The following COL13A1 variants were observed in gnomAD, a reference collection of about 807,000 sequenced individuals.
COL13A1 encodes the protein collagen type XIII alpha 1 chain, also known as collagen alpha-1(XIII) chain.
COL13A1 carries 89 observed loss-of-function variants against 130.9 expected under a neutral mutation model. The observed-to-expected ratio is 0.68, with a 90% CI of 0.57 to 0.81. COL13A1 has a LOEUF of 0.81. Ranked by LOEUF, COL13A1 falls within the 30% of genes least tolerant of loss-of-function variation. The probability of loss-of-function intolerance (pLI) is 0.00; values close to 1 mark genes in which losing one functional copy is unlikely to be tolerated. For synonymous variants in COL13A1, 402 were observed against 341.6 expected (o/e 1.18, Z -1.95); for missense variants, 879 against 934.6 (o/e 0.94, Z 0.78).
intron 3 of COL13A1, among the ~76,000 whole-genome samples, chr10:69,870,175 G>GTATATATA: frequency 6.9e-6 from 1 of 145,644 alleles, no homozygotes; most frequent in East Asian, 2.0e-4. Flanking sequence ...TGTGTGTACT[G>GTATATATA]TATATATATA....
At chr10:69,849,308 G>A (rs978122457) in intron 2 of COL13A1, among the ~76,000 whole-genome samples, 1 of 144,578 alleles carries the variant, frequency 6.9e-6, no homozygotes, top group Non-Finnish European at 1.5e-5. Context: ...TGTCATAGAG[G>A]CCCAGCTGCC....
At chr10:69,924,237 C>T (rs1437421002) in intron 24 of COL13A1, among the ~76,000 whole-genome samples, 1 of 152,198 alleles carries the variant, frequency 6.6e-6, no homozygotes, top group East Asian at 1.9e-4. Context: ...AGTGGCTCCA[C>T]GTCCCGTGAG....
intron 10 of COL13A1, among the ~76,000 whole-genome samples, chr10:69,890,022 A>G (rs962882504): frequency 1.3e-5 from 2 of 152,054 alleles, no homozygotes; most frequent in African/African-American, 4.8e-5. Context: ...GCAAGTCAGG[A>G]GCAGGAGCAA....
At chr10:69,845,113 C>A (rs1359404898) in intron 2 of COL13A1, among the ~76,000 whole-genome samples, 2 of 152,186 alleles carry the variant, frequency 1.3e-5, no homozygotes, top group African/African-American at 4.8e-5. Context: ...CTGACACCCT[C>A]AAGATGCCTC....
chr10:69,919,736 T>C lies in COL13A1; in HGVS notation c.1089+9T>C. 2.5e-6 allele frequency: 1 copy of C among 398,782 alleles called. No individual in the cohort carries two copies. The allele number at this position is 398,782 out of a possible 1,614,324, so 24.7% of individuals were successfully genotyped here. A position where few individuals can be genotyped will look rare whatever the true frequency, so the allele number is the denominator to read the frequency against. On this transcript the variant is annotated intron_variant, in intron 21 of 40. Coordinates refer to ENST00000645393, the MANE Select transcript of COL13A1 (RefSeq NM_001368882.1). ...GAAAGAGGGGGCAGAGGGTAGGATA[T>C]CGTGTATTTGAGTGTGTGCCCCTTC... is the stretch of plus-strand genomic sequence containing the variant.
At chr10:69,945,877 C>A (rs539276815) in intron 37 of COL13A1, among the ~76,000 whole-genome samples, 153 bp downstream of exon 37, 1 of 152,204 alleles carries the variant, frequency 6.6e-6, no homozygotes, top group African/African-American at 2.4e-5. Context: ...TCAAGACTAT[C>A]CTGGCCAACA....
intron 1 of COL13A1, among the ~76,000 whole-genome samples, chr10:69,805,368 A>C (rs989034933): frequency 6.6e-6 from 1 of 152,006 alleles, no homozygotes; most frequent in African/African-American, 2.4e-5. Flanking sequence ...CAATAGGGGA[A>C]GATGCTGGAG....
chr10:69,850,672 G>A (rs958312289), intron 2 of COL13A1, among the ~76,000 whole-genome samples: 1 of 151,964 alleles, frequency 6.6e-6, no homozygotes, highest in Non-Finnish European at 1.5e-5. Context: ...CAGGTTCCCT[G>A]GGAAGCTGAC....
chr10:69,808,334 A>T (rs1420223651), intron 1 of COL13A1, among the ~76,000 whole-genome samples: 1 of 152,142 alleles, frequency 6.6e-6, no homozygotes. Flanking sequence ...GCCTCCTCGA[A>T]CCACTCCAAC....
chr10:69,926,855 A>C (rs1340473439), intron 26 of COL13A1, among the ~76,000 whole-genome samples: 1 of 152,144 alleles, frequency 6.6e-6, no homozygotes, highest in Non-Finnish European at 1.5e-5. Context: ...CTCAGAGTAT[A>C]ATCATGCTTA....
chr10:69,925,151 C>A, intron 25 of COL13A1, 144 bp downstream of exon 25: 3 of 794,826 alleles, frequency 3.8e-6, no homozygotes, highest in Non-Finnish European at 5.5e-6. Flanking sequence ...GTGCCTTTTG[C>A]CAAAGATGAT....
intron 33 of COL13A1, 106 bp downstream of exon 33, chr10:69,936,888 TC>T: frequency 7.4e-7 from 1 of 1,356,412 alleles, no homozygotes; most frequent in Non-Finnish European, 1.0e-6. Flanking sequence ...TAGGTGACAC[TC>T]CAGCCAAGGG....
intron 2 of COL13A1, among the ~76,000 whole-genome samples, chr10:69,824,516 G>C (rs534907243): frequency 8.5e-5 from 13 of 152,352 alleles, no homozygotes; most frequent in Admixed American, 4.6e-4. Context: ...TGTGGCAGGA[G>C]GGGGAAGGAC....
intron 40 of COL13A1, among the ~76,000 whole-genome samples, 154 bp downstream of exon 40, chr10:69,957,196 C>T (rs765176791): frequency 1.8e-4 from 28 of 152,234 alleles, no homozygotes; most frequent in Non-Finnish European, 3.7e-4. Flanking sequence ...ACATCCCATA[C>T]ACTGCATGCT....
intron 2 of COL13A1, among the ~76,000 whole-genome samples, chr10:69,834,573 A>G (rs976357932): frequency 3.3e-5 from 5 of 152,210 alleles, no homozygotes; most frequent in Non-Finnish European, 5.9e-5. Flanking sequence ...GCACCCTATG[A>G]TGTAAGGCTA....
intron 2 of COL13A1, among the ~76,000 whole-genome samples, chr10:69,853,384 C>T (rs1010707388): frequency 1.3e-5 from 2 of 152,138 alleles, no homozygotes; most frequent in Non-Finnish European, 2.9e-5. Flanking sequence ...TGAGTGACCT[C>T]GACTCAGCTT....
intron 7 of COL13A1, among the ~76,000 whole-genome samples, chr10:69,884,519 G>A (rs775726339): frequency 6.6e-5 from 10 of 152,188 alleles, no homozygotes; most frequent in Non-Finnish European, 1.2e-4. Context: ...TTCTGTCTGT[G>A]TATTTGCAAG....
In COL13A1 at chr10:69,828,776, A is replaced by G. The variant is rs994698487; in HGVS notation, c.364+6338A>G. ...ATGCCTGGTGTATGCTCGATGTACA[A>G]TCCAGGCAAAACCACCCACTGGGAC... On this transcript the variant is annotated intron_variant, in intron 2 of 40. Transcript: ENST00000645393. Among the ~76,000 whole-genome samples the G allele has an allele frequency of 3.3e-5, 5 of 152,304 alleles. 1 individual carries two copies. Among genetic ancestry groups the G allele is most frequent in the Non-Finnish European group, 4.4e-5 (3 of 68,016 alleles).
In COL13A1 at chr10:69,880,634, G is replaced by C. The variant is rs942487042; in HGVS notation, c.513+81G>C. ...AGGGCTTTTAGGCTGGGGATGAGGGGACAGCGAGGGCGGCTGTGCCCCTGG... is the reference window on the plus strand; with the variant it reads ...AGGGCTTTTAGGCTGGGGATGAGGGCACAGCGAGGGCGGCTGTGCCCCTGG... On this transcript the variant is annotated intron_variant, in intron 7 of 40. Transcript: ENST00000645393. The C allele has an allele frequency of 2.1e-6, 3 of 1,441,768 alleles. No homozygotes were observed. The African/African-American group carries it at 4.2e-5, about 20-fold the overall frequency. The allele number at this position is 1,441,768 out of a possible 1,614,324, so 89.3% of individuals were successfully genotyped here. A position where few individuals can be genotyped will look rare whatever the true frequency, so the allele number is the denominator to read the frequency against.
Sources: gnomAD v4.1 joint callset for allele counts (sites outside exome capture counted in the v4.1 genomes callset) on GRCh38, gnomAD v4.1.1 for gene constraint, MANE v1.5 for transcripts, NCBI Gene and HGNC (gene_info 2026-07-23, HGNC 2026-07-21) for gene names.